Variants in PHF14 observed in about 807,000 individuals in gnomAD.
PHF14 encodes the protein PHD finger protein 14.
Under a neutral mutation model 117.9 loss-of-function variants are expected in PHF14, and 55 were observed. The ratio of observed to expected loss-of-function variants is 0.47; its 90% CI spans 0.38 to 0.58. The LOEUF is 0.58. Ranked by LOEUF, PHF14 falls within the 20% of genes least tolerant of loss-of-function variation. The probability of loss-of-function intolerance (pLI) is 0.00; values close to 1 mark genes in which losing one functional copy is unlikely to be tolerated. For synonymous variants in PHF14, 409 were observed against 368.6 expected (o/e 1.11, Z -1.26); for missense variants, 978 against 1,122.2 (o/e 0.87, Z 1.84).
At chr7:11,165,028 G>A (rs1474313237) in intron 17 of PHF14, among the ~76,000 whole-genome samples, 4 of 152,096 alleles carry the variant, frequency 2.6e-5, no homozygotes, top group Admixed American at 2.0e-4. Context: ...GGGTTCAAGC[G>A]ATTCTCCTGC....
chr7:10,982,560 A>G lies in PHF14; in HGVS notation c.301A>G (p.Lys101Glu). The change falls in exon 3 of 18, where the codon AAG (lysine) becomes GAG (glutamate). Residue 101 changes from lysine (K) to glutamate (E), a missense_variant. This residue lies in a region of PHF14 where 414 missense variants were observed against 376.4 expected (regional missense o/e 1.10). Transcript: ENST00000634607. ...SSEKQLIKME[K>E]KEEEENGERP... ...AGAAAAACAATTAATTAAAATGGAA[A>G]AGAAGGAAGAAGAAGAAAATGGAGA... is the stretch of plus-strand genomic sequence containing the variant. 6.6e-7 allele frequency: 1 copy of G among 1,507,978 alleles called. No homozygotes were observed. The allele number at this position is 1,507,978 out of a possible 1,614,324, so 93.4% of individuals were successfully genotyped here.
At position 10,974,855 on chromosome 7, in the gene PHF14, A is replaced by G; in HGVS notation, c.22A>G (p.Arg8Gly). 6.3e-7 allele frequency: 1 copy of G among 1,582,002 alleles called. No homozygotes were observed. The change falls in exon 2 of 18, where the codon AGG becomes GGG. Residue 8 changes from arginine (R) to glycine (G), a missense_variant. Transcript: ENST00000634607. MDRSSKRRQVKPLAASLL... is the reference protein window; with the variant it reads MDRSSKRGQVKPLAASLL... ...CACAGTGGATCGCAGCTCCAAGAGGAGGCAGGTGAAGCCTTTGGCAGCTTC... is the reference window on the plus strand; with the variant it reads ...CACAGTGGATCGCAGCTCCAAGAGGGGGCAGGTGAAGCCTTTGGCAGCTTC...
chr7:11,089,884 C>T (rs1217348861), intron 16 of PHF14, among the ~76,000 whole-genome samples: 1 of 151,630 alleles, frequency 6.6e-6, no homozygotes, highest in Admixed American at 6.6e-5. Context: ...GATTCTCCTG[C>T]CTCAGCCTCC....
In PHF14 at chr7:11,130,353, A is replaced by G. The variant is rs1788060386; in HGVS notation, c.2772+18886A>G. 6.6e-6 allele frequency among the ~76,000 whole-genome samples: 1 copy of G among 152,044 alleles called. No homozygotes were observed. The highest frequency in any genetic ancestry group is 2.4e-5 in the African/African-American group (1 of 41,434). ...GGGATTCATTCCAGGATTCAAGGAA[A>G]TCCTTGGAGAGAGAGAGAACGTATA... is the stretch of plus-strand genomic sequence containing the variant. On this transcript the variant is annotated intron_variant, in intron 17 of 17. Transcript: ENST00000634607. The surrounding 1 kb of genome is among the most constrained non-coding windows in gnomAD (Gnocchi z 4.2).
chr7:11,068,088 C>T (rs1419712204), intron 16 of PHF14, among the ~76,000 whole-genome samples: 2 of 152,112 alleles, frequency 1.3e-5, no homozygotes, highest in Non-Finnish European at 2.9e-5. Flanking sequence ...CGGTGGCTCA[C>T]GCCTGTAATC....
In PHF14 at chr7:11,051,730, G is replaced by A. The variant is rs61996285; in HGVS notation, c.2431G>A (p.Val811Ile). Residue 811 changes from valine (V) to isoleucine (I), a missense_variant, in exon 14 of 18, where the codon GTT becomes ATT. This residue lies in a region of PHF14 where 180 missense variants were observed against 195.4 expected (regional missense o/e 0.92). Coordinates refer to ENST00000634607, the MANE Select transcript of PHF14 (RefSeq NM_001007157.2). Reference sequence around the variant, plus strand: ...GCAGATTAAGGAACCAGTGAAATTTGTTCCACAGGATGTGCCACCAGAACC... The same window carrying A: ...GCAGATTAAGGAACCAGTGAAATTTATTCCACAGGATGTGCCACCAGAACC... ...RRQIKEPVKF[V>I]PQDVPPEPKK... 3,554 of 1,613,628 alleles carry A rather than the reference G, an allele frequency of 2.2e-3. 6 individuals are homozygous for A. Among genetic ancestry groups the A allele is most frequent in the Non-Finnish European group, 2.8e-3 (3,324 of 1,179,678 alleles).
intron 5 of PHF14, among the ~76,000 whole-genome samples, chr7:11,014,371 A>G (rs1456275083): frequency 6.6e-6 from 1 of 152,200 alleles, no homozygotes. Flanking sequence ...TAAGGTATAA[A>G]AAAACTCTAA....
intron 14 of PHF14, among the ~76,000 whole-genome samples, chr7:11,056,071 C>G (rs538961478): frequency 1.3e-5 from 2 of 152,222 alleles, no homozygotes; most frequent in Admixed American, 1.3e-4. Flanking sequence ...TATAAAACCT[C>G]TATCTGTCAT....
At chr7:11,055,049 TC>T (rs1387280972) in intron 14 of PHF14, among the ~76,000 whole-genome samples, 1 of 152,026 alleles carries the variant, frequency 6.6e-6, no homozygotes, top group African/African-American at 2.4e-5. Context: ...GAAGAATGGG[TC>T]CCATTCTTCT....
chr7:11,047,365 C>T (rs114466463), intron 13 of PHF14, among the ~76,000 whole-genome samples: 1 of 152,098 alleles, frequency 6.6e-6, no homozygotes, highest in African/African-American at 2.4e-5. Flanking sequence ...CTGTGCCTGG[C>T]TTAAATTAGT....
intron 17 of PHF14, among the ~76,000 whole-genome samples, chr7:11,159,032 G>T (rs997011344): frequency 6.6e-6 from 1 of 151,948 alleles, no homozygotes; most frequent in Non-Finnish European, 1.5e-5. Flanking sequence ...AATATTAAAA[G>T]ATTTTAAGTA....
chr7:11,162,780 G>A (rs1789084400), intron 17 of PHF14, among the ~76,000 whole-genome samples: 1 of 151,268 alleles, frequency 6.6e-6, no homozygotes, highest in African/African-American at 2.4e-5. Flanking sequence ...CCGCTTCCTG[G>A]GTTCAAGTGA....
Position 11,129,494 on chromosome 7 carries a change from G to C in PHF14, c.2772+18027G>C, listed in dbSNP as rs556060133. On this transcript the variant is annotated intron_variant, in intron 17 of 17. Coordinates refer to ENST00000634607, the MANE Select transcript of PHF14 (RefSeq NM_001007157.2). ...CTTCAGAATAAAGAACACTGGCATT[G>C]TCTAAGGGTATAAAACTAATCCAAA... Among the ~76,000 whole-genome samples the C allele has an allele frequency of 2.7e-3, 411 of 150,046 alleles. 2 individuals carry two copies. Among genetic ancestry groups the C allele is most frequent in the Middle Eastern group, 7.0e-3 (2 of 286 alleles).
At chr7:11,116,125 G>C (rs1421446435) in intron 17 of PHF14, among the ~76,000 whole-genome samples, 1 of 151,904 alleles carries the variant, frequency 6.6e-6, no homozygotes, top group East Asian at 1.9e-4. Flanking sequence ...ATTATTTATT[G>C]TTATTTTCAA....
intron 17 of PHF14, among the ~76,000 whole-genome samples, chr7:11,162,772 G>A (rs902019167): frequency 6.9e-6 from 1 of 144,710 alleles, no homozygotes; most frequent in Non-Finnish European, 1.5e-5. Flanking sequence ...CGCAACCTCC[G>A]CTTCCTGGGT....
chr7:11,105,541 T>C (rs1190828997), intron 16 of PHF14: 1 of 980,120 alleles, frequency 1.0e-6, no homozygotes, highest in East Asian at 1.1e-4. Flanking sequence ...TAAAAAAATT[T>C]AAAAATGGCA....
rs1312810499 is a variant in PHF14, at chr7:11,121,658, C to G, written c.2772+10191C>G. Among the ~76,000 whole-genome samples the G allele has an allele frequency of 2.0e-5, 3 of 152,144 alleles. No individual in the cohort carries two copies. In the South Asian group the frequency reaches 6.2e-4, roughly 32 times the overall value. On this transcript the variant is annotated intron_variant, in intron 17 of 17. Transcript: ENST00000634607. ...AATAAGGGTTACTTGGACACAAGCC[C>G]TGCAGTACTGTGATGGTCGATCTAG... is the stretch of plus-strand genomic sequence containing the variant.
chr7:10,975,775 A>G (rs1421981135), intron 2 of PHF14, among the ~76,000 whole-genome samples: 2 of 152,188 alleles, frequency 1.3e-5, no homozygotes, highest in African/African-American at 4.8e-5. Flanking sequence ...AATGAGAAGT[A>G]AAAGCCTTTC....
At chr7:11,097,609 T>G (rs1786926311) in intron 16 of PHF14, among the ~76,000 whole-genome samples, 1 of 152,202 alleles carries the variant, frequency 6.6e-6, no homozygotes, top group Admixed American at 6.5e-5. Context: ...CACCATGTTG[T>G]TATGCAGCTA....
Sources: allele counts gnomAD v4.1 joint callset (sites outside exome capture counted in the v4.1 genomes callset), GRCh38; gene constraint gnomAD v4.1.1; regional missense constraint gnomAD v4.1.1; non-coding constraint Gnocchi (gnomAD v3.1); transcripts MANE v1.5; gene names NCBI Gene and HGNC (gene_info 2026-07-23, HGNC 2026-07-21).